SPAG16: variants seen among roughly 807,000 people sequenced by gnomAD.
SPAG16 encodes the protein sperm associated antigen 16.
SPAG16 carries 86 observed loss-of-function variants against 80.4 expected under a neutral mutation model. The observed-to-expected ratio is 1.07, with a 90% CI of 0.90 to 1.28. The LOEUF is 1.28. Ranked by LOEUF, SPAG16 falls within the 50% of genes most tolerant of loss-of-function variation. The pLI, the probability that SPAG16 is intolerant of heterozygous loss-of-function variation, is 0.00. For missense variants in SPAG16, 870 were observed against 765.3 expected, an observed-to-expected ratio of 1.14 and a Z score of -1.61; for synonymous variants, 294 against 265.9, an observed-to-expected ratio of 1.11 and a Z score of -1.03.
intron 10 of SPAG16, among the ~76,000 whole-genome samples, chr2:213,705,193 A>G (rs905444300): frequency 6.6e-6 from 1 of 151,628 alleles, no homozygotes; most frequent in African/African-American, 2.4e-5. Flanking sequence ...GCTTGCAGTG[A>G]GCCGTGATCG....
chr2:213,903,907 G>C (rs1009895958), intron 11 of SPAG16, among the ~76,000 whole-genome samples: 2 of 152,090 alleles, frequency 1.3e-5, no homozygotes, highest in Non-Finnish European at 2.9e-5. Flanking sequence ...CTCTAGGGCA[G>C]GGGCAAAGTG....
chr2:213,825,885 C>T (rs2073262419), intron 10 of SPAG16, among the ~76,000 whole-genome samples: 1 of 151,728 alleles, frequency 6.6e-6, no homozygotes, highest in African/African-American at 2.4e-5. Flanking sequence ...CCATCAGTTC[C>T]TGGCTTTTCT....
chr2:214,158,511 T>C (rs2056308956), intron 15 of SPAG16, among the ~76,000 whole-genome samples: 1 of 152,030 alleles, frequency 6.6e-6, no homozygotes, highest in Non-Finnish European at 1.5e-5. Flanking sequence ...TCCAACATTT[T>C]AATAAATTAA....
chr2:213,620,280 A>ATTT (rs2061727120), intron 10 of SPAG16, among the ~76,000 whole-genome samples: 1 of 109,998 alleles, frequency 9.1e-6, no homozygotes, highest in African/African-American at 3.9e-5. Flanking sequence ...TAATTTATTG[A>ATTT]GTTTTTTTTT....
chr2:214,007,521 T>C (rs1280690245), intron 12 of SPAG16, among the ~76,000 whole-genome samples: 3 of 152,248 alleles, frequency 2.0e-5, no homozygotes, highest in African/African-American at 4.8e-5. Flanking sequence ...CAATTTAATC[T>C]GAATAACTTC....
chr2:213,572,739 G>T (rs1339795532), intron 10 of SPAG16, among the ~76,000 whole-genome samples: 2 of 152,074 alleles, frequency 1.3e-5, no homozygotes, highest in African/African-American at 4.8e-5. Flanking sequence ...AGGCAGGCAG[G>T]CCTCCTTGAG....
At chr2:213,977,050 A>G (rs2045447996) in intron 12 of SPAG16, among the ~76,000 whole-genome samples, 1 of 152,044 alleles carries the variant, frequency 6.6e-6, no homozygotes, top group Admixed American at 6.6e-5. Flanking sequence ...CATAGCATAT[A>G]CTTACTCTCA....
intron 10 of SPAG16, among the ~76,000 whole-genome samples, chr2:213,556,538 A>G (rs572975166): frequency 6.6e-6 from 1 of 152,270 alleles, no homozygotes; most frequent in East Asian, 1.9e-4. Context: ...TAACTTCATT[A>G]TGAAGATACA....
intron 13 of SPAG16, among the ~76,000 whole-genome samples, chr2:214,027,607 C>G (rs2048202292): frequency 6.6e-6 from 1 of 151,780 alleles, no homozygotes. Flanking sequence ...CTCTTTCCAG[C>G]AATCCATCTG....
At chr2:213,678,149 G>A (rs1455448648) in intron 10 of SPAG16, among the ~76,000 whole-genome samples, 5 of 151,802 alleles carry the variant, frequency 3.3e-5, no homozygotes, top group African/African-American at 1.2e-4. Context: ...AGCACTAAAT[G>A]CCCACAAGAG....
chr2:213,770,521 A>G (rs1396787256), intron 10 of SPAG16, among the ~76,000 whole-genome samples: 1 of 152,118 alleles, frequency 6.6e-6, no homozygotes, highest in Admixed American at 6.5e-5. Context: ...ACATGGGGAA[A>G]CATGTCCCAT....
intron 15 of SPAG16, among the ~76,000 whole-genome samples, chr2:214,383,270 C>G (rs146769051): frequency 6.6e-6 from 1 of 151,940 alleles, no homozygotes; most frequent in Admixed American, 6.6e-5. Context: ...AAAGAGGCCC[C>G]CAAAAGATTT....
chr2:213,494,747 T>C (rs190516778), intron 10 of SPAG16, among the ~76,000 whole-genome samples: 2 of 152,300 alleles, frequency 1.3e-5, no homozygotes, highest in East Asian at 3.9e-4. Flanking sequence ...AACTTACTAC[T>C]GTGTGGCCTT....
intron 15 of SPAG16, among the ~76,000 whole-genome samples, chr2:214,355,643 T>C (rs924109474): frequency 1.3e-5 from 2 of 149,754 alleles, no homozygotes; most frequent in African/African-American, 4.9e-5. Context: ...GAACTAGAAA[T>C]ACCATTTGAC....
chr2:214,110,409 A>C (rs1576235762), intron 14 of SPAG16, among the ~76,000 whole-genome samples: 1 of 151,756 alleles, frequency 6.6e-6, no homozygotes, highest in East Asian at 1.9e-4. Flanking sequence ...TCCATGTGAT[A>C]GTTTGCTGAG....
At chr2:214,016,003 A>G (rs2047573601) in intron 13 of SPAG16, among the ~76,000 whole-genome samples, 1 of 152,056 alleles carries the variant, frequency 6.6e-6, no homozygotes, top group Non-Finnish European at 1.5e-5. Flanking sequence ...GGTGAAGATT[A>G]TGTGGGGAGG....
intron 12 of SPAG16, among the ~76,000 whole-genome samples, chr2:214,000,881 C>T (rs529099917): frequency 1.2e-4 from 19 of 152,094 alleles, no homozygotes; most frequent in South Asian, 1.0e-3. Context: ...TAAGCGTTTT[C>T]GCCTTCATTT....
At chr2:214,337,877 C>T (rs1697405203) in intron 15 of SPAG16, among the ~76,000 whole-genome samples, 1 of 152,064 alleles carries the variant, frequency 6.6e-6, no homozygotes, top group Non-Finnish European at 1.5e-5. Flanking sequence ...GACAATAAAC[C>T]AGGTGACTAA....
chr2:213,426,662 A>G (rs1228844820), intron 9 of SPAG16, among the ~76,000 whole-genome samples: 3 of 152,002 alleles, frequency 2.0e-5, no homozygotes, highest in Admixed American at 6.5e-5. Flanking sequence ...GGTAGATACT[A>G]TAACCTTCTC....
Sources: gnomAD v4.1 joint callset for allele counts (sites outside exome capture counted in the v4.1 genomes callset) on GRCh38, gnomAD v4.1.1 for gene constraint, MANE v1.5 for transcripts, NCBI Gene and HGNC (gene_info 2026-07-23, HGNC 2026-07-21) for gene names.